The following TSC22D2 variants were observed in gnomAD, a reference collection of about 807,000 sequenced individuals.
TSC22D2 encodes the protein TSC22 domain family protein 2.
In TSC22D2, 5 loss-of-function variants were observed where a neutral mutation model predicts 50.1. The ratio of observed to expected loss-of-function variants is 0.10; its 90% CI spans 0.05 to 0.21. TSC22D2 has a LOEUF of 0.21. Ranked by LOEUF, TSC22D2 falls within the 10% of genes least tolerant of loss-of-function variation. TSC22D2 has a pLI of 1.00. For missense variants in TSC22D2, 1,003 were observed against 1,015.5 expected, an observed-to-expected ratio of 0.99 and a Z score of 0.17; for synonymous variants, 501 against 450.1, an observed-to-expected ratio of 1.11 and a Z score of -1.43.
In TSC22D2 at chr3:150,458,831, T is replaced by C. The variant is rs775661370; in HGVS notation, c.*195T>C. The C allele has an allele frequency of 1.5e-6, 1 of 652,658 alleles. No individual in the cohort carries two copies. The highest frequency in any genetic ancestry group is 2.1e-5 in the South Asian group (1 of 47,366). The allele number at this position is 652,658 out of a possible 1,614,324, so 40.4% of individuals were successfully genotyped here. On this transcript the variant is annotated 3_prime_UTR_variant, in exon 3 of 3. Coordinates refer to ENST00000688009, the MANE Select transcript of TSC22D2 (RefSeq NM_001303264.2). ...ATGCAGCGCTGTTGATGTCCAGTTCTATGTCATCAGTACACAAGGAGAATA... is the reference window on the plus strand; with the variant it reads ...ATGCAGCGCTGTTGATGTCCAGTTCCATGTCATCAGTACACAAGGAGAATA...
chr3:150,447,595 A>G (rs1344887759), intron 1 of TSC22D2, among the ~76,000 whole-genome samples: 2 of 149,232 alleles, frequency 1.3e-5, no homozygotes, highest in East Asian at 4.0e-4. Context: ...TCCCCACCCC[A>G]CTTCATCCCC....
chr3:150,444,259 T>C lies in TSC22D2; in HGVS notation c.1959-12817T>C, dbSNP rs535706920. Among the ~76,000 whole-genome samples the C allele has an allele frequency of 9.2e-5, 14 of 152,338 alleles. No homozygotes were observed. In the South Asian group the frequency reaches 2.9e-3, roughly 32 times the overall value. On this transcript the variant is annotated intron_variant, in intron 1 of 2. Transcript: ENST00000688009. ...ATAGTTGGTTAATTTCTTAGATCTT[T>C]GTCCTGGCATGATGAGCTCAATATA...
chr3:150,426,735 T>A (rs1720204262), intron 1 of TSC22D2, among the ~76,000 whole-genome samples: 1 of 152,176 alleles, frequency 6.6e-6, no homozygotes, highest in South Asian at 2.1e-4. Context: ...CACCAGTATT[T>A]AGAGAGAAGT....
At chr3:150,418,747 C>T (rs560561162) in intron 1 of TSC22D2, among the ~76,000 whole-genome samples, 2 of 151,846 alleles carry the variant, frequency 1.3e-5, no homozygotes, top group Middle Eastern at 3.4e-3. Context: ...TAAGAAATTT[C>T]GATTTTTATA....
At chr3:150,438,240 A>G (rs1402143139) in intron 1 of TSC22D2, 5 of 429,860 alleles carry the variant, frequency 1.2e-5, no homozygotes, top group Non-Finnish European at 2.4e-5. Context: ...ATGTGACATA[A>G]TAATGATCGA....
At chr3:150,414,926 G>C (rs1719744281) in intron 1 of TSC22D2, among the ~76,000 whole-genome samples, 2 of 149,908 alleles carry the variant, frequency 1.3e-5, no homozygotes, top group Admixed American at 1.3e-4. Flanking sequence ...TGCTCTTGTA[G>C]GTTTACAGTT....
In TSC22D2 at chr3:150,409,135, A is replaced by G. The variant is rs889042152; in HGVS notation, c.-216A>G. ...GCCGCCGCGGGACTGAGACGGGGGC[A>G]GAGCCGAAGAGACCGACACAGAGAA... On this transcript the variant is annotated 5_prime_UTR_variant, in exon 1 of 3. Coordinates refer to ENST00000688009, the MANE Select transcript of TSC22D2 (RefSeq NM_001303264.2). This position sits in a 1 kb window ranked among gnomAD's most constrained non-coding sequence, Gnocchi z 7.4. 4.4e-6 allele frequency: 2 copies of G among 457,858 alleles called. No homozygotes were observed. The highest frequency in any genetic ancestry group is 3.9e-5 in the African/African-American group (2 of 50,944). 28.4% of individuals were successfully genotyped at this position (457,858 alleles called of 1,614,324 possible). A position where few individuals can be genotyped will look rare whatever the true frequency, so the allele number is the denominator to read the frequency against.
chr3:150,419,489 G>A (rs9682043), intron 1 of TSC22D2, among the ~76,000 whole-genome samples: 17,633 of 151,974 alleles, frequency 0.12, 1,072 homozygotes, highest in Middle Eastern at 0.23. Context: ...GTATGTCCCT[G>A]GTTTCTATTT....
chr3:150,446,034 T>C (rs1342330231), intron 1 of TSC22D2, among the ~76,000 whole-genome samples: 2 of 141,744 alleles, frequency 1.4e-5, no homozygotes, highest in Non-Finnish European at 3.0e-5. Context: ...GTGGAGGTTG[T>C]GGTGAGCTGA....
In TSC22D2 at chr3:150,463,046, CTT is replaced by C. The variant is rs1721462787; in HGVS notation, c.*4412_*4413del. The C allele has an allele frequency of 6.6e-6, 1 of 152,200 alleles. No individual in the cohort carries two copies. The highest frequency in any genetic ancestry group is 2.4e-5 in the African/African-American group (1 of 41,460). The allele number at this position is 152,200 out of a possible 1,614,324, so 9.4% of individuals were successfully genotyped here. A position where few individuals can be genotyped will look rare whatever the true frequency, so the allele number is the denominator to read the frequency against. ...AGTTATAAATCTGTGAAATGAAAGT[CTT>C]TGTTTCCTTAAAGGGATTTCAAGAA... On this transcript the variant is annotated 3_prime_UTR_variant, in exon 3 of 3. Coordinates refer to ENST00000688009, the MANE Select transcript of TSC22D2 (RefSeq NM_001303264.2).
chr3:150,441,100 A>T (rs9865031), intron 1 of TSC22D2, among the ~76,000 whole-genome samples: 1 of 149,944 alleles, frequency 6.7e-6, no homozygotes, highest in Non-Finnish European at 1.5e-5. Flanking sequence ...TTGTACCCCA[A>T]CTTCTGTAGT....
At chr3:150,434,720 T>G (rs186344964) in intron 1 of TSC22D2, among the ~76,000 whole-genome samples, 1 of 152,318 alleles carries the variant, frequency 6.6e-6, no homozygotes, top group Admixed American at 6.5e-5. Context: ...TTCTTTAAGC[T>G]GTGTATTTGG....
chr3:150,454,408 T>C (rs775220145), intron 1 of TSC22D2, among the ~76,000 whole-genome samples: 2 of 152,240 alleles, frequency 1.3e-5, no homozygotes, highest in Non-Finnish European at 2.9e-5. Context: ...AAGAATTTTA[T>C]ATGCCAGGCT....
At chr3:150,443,186 C>T (rs1720774315) in intron 1 of TSC22D2, among the ~76,000 whole-genome samples, 1 of 152,154 alleles carries the variant, frequency 6.6e-6, no homozygotes, top group South Asian at 2.1e-4. Flanking sequence ...GCATCCTGGT[C>T]TCTTTTTGTA....
chr3:150,417,469 A>G (rs1719855336), intron 1 of TSC22D2, among the ~76,000 whole-genome samples: 1 of 152,128 alleles, frequency 6.6e-6, no homozygotes, highest in African/African-American at 2.4e-5. Flanking sequence ...TAAAACCAAT[A>G]GCGTGTTTAA....
At chr3:150,446,659 A>G (rs1439016488) in intron 1 of TSC22D2, among the ~76,000 whole-genome samples, 3 of 152,122 alleles carry the variant, frequency 2.0e-5, no homozygotes, top group Non-Finnish European at 2.9e-5. Context: ...TTAAGGAATG[A>G]TGGCCATGCT....
intron 1 of TSC22D2, among the ~76,000 whole-genome samples, chr3:150,443,666 A>G (rs1302804891): frequency 6.6e-6 from 1 of 152,160 alleles, no homozygotes; most frequent in African/African-American, 2.4e-5. Flanking sequence ...GGTAGTTTGA[A>G]TTGTCTTTTT....
At chr3:150,449,441 T>A (rs763230461) in intron 1 of TSC22D2, among the ~76,000 whole-genome samples, 29 of 152,184 alleles carry the variant, frequency 1.9e-4, no homozygotes, top group Non-Finnish European at 4.0e-4. Context: ...TCCTTCTTTA[T>A]GTGTATATAA....
In TSC22D2 at chr3:150,410,823, G is replaced by A; in HGVS notation, c.1473G>A (p.Pro491=). ...VPPPQMGGSG[P]LSAVPGGPHA... The stretch of plus-strand genomic sequence containing the variant: ...CGCCGCAGATGGGTGGCAGTGGTCC[G>A]CTGTCAGCCGTACCTGGTGGCCCTC... The change falls in exon 1 of 3, where the codon CCG becomes CCA. Residue 491 remains proline, a synonymous_variant. Coordinates refer to ENST00000688009, the MANE Select transcript of TSC22D2 (RefSeq NM_001303264.2). 1 of 1,613,488 alleles carries A rather than the reference G, an allele frequency of 6.2e-7. No homozygotes were observed. The highest frequency in any genetic ancestry group is 8.5e-7 in the Non-Finnish European group (1 of 1,179,970).
Sources: gnomAD v4.1 joint callset for allele counts (sites outside exome capture counted in the v4.1 genomes callset) on GRCh38, gnomAD v4.1.1 for gene constraint, Gnocchi (gnomAD v3.1) non-coding constraint, MANE v1.5 for transcripts, NCBI Gene and HGNC (gene_info 2026-07-23, HGNC 2026-07-21) for gene names.